The following RAB27B variants were observed in gnomAD, a reference collection of about 807,000 sequenced individuals.
RAB27B encodes ras-related protein Rab-27B.
RAB27B carries 15 observed loss-of-function variants against 24.6 expected under a neutral mutation model. The observed-to-expected ratio is 0.61, with a 90% CI of 0.41 to 0.94. The LOEUF is 0.94. Ranked by LOEUF, RAB27B falls within the 40% of genes least tolerant of loss-of-function variation. The probability of loss-of-function intolerance (pLI) is 0.00; values close to 1 mark genes in which losing one functional copy is unlikely to be tolerated. For missense variants in RAB27B, 261 were observed against 266.8 expected (o/e 0.98, Z 0.15); for synonymous variants, 105 against 92.5 (o/e 1.14, Z -0.78).
chr18:54,856,070 A>G (rs923648663), intron 1 of RAB27B, among the ~76,000 whole-genome samples: 2 of 152,258 alleles, frequency 1.3e-5, no homozygotes, highest in African/African-American at 2.4e-5. Context: ...AGTGATAATG[A>G]ACAAGAAGAC....
rs376958822 is a variant in RAB27B, at chr18:54,829,026, A to G, written c.-20+326A>G. 7.2e-5 allele frequency among the ~76,000 whole-genome samples: 11 copies of G among 152,336 alleles called. No homozygotes were observed. The South Asian group carries it at 1.2e-3, about 17-fold the overall frequency. ...CCAATTTCCTTTCATTTGCATCTCA[A>G]AAAACAATCAAAATAATGAATAAGA... On this transcript the variant is annotated intron_variant, in intron 1 of 5. Transcript: ENST00000262094.
intron 1 of RAB27B, among the ~76,000 whole-genome samples, chr18:54,858,134 T>A (rs886467399): frequency 6.6e-6 from 1 of 152,202 alleles, no homozygotes; most frequent in Non-Finnish European, 1.5e-5. Context: ...TACCGAGTAA[T>A]ATTATCAGAG....
intron 1 of RAB27B, among the ~76,000 whole-genome samples, chr18:54,852,068 A>G (rs1427658681): frequency 6.6e-6 from 1 of 152,186 alleles, no homozygotes; most frequent in African/African-American, 2.4e-5. Flanking sequence ...TTCAGTCATT[A>G]TTTAGGTTTA....
chr18:54,799,614 A>ATTTTTTT (rs869256244), intron 2 of RAB27B, among the ~76,000 whole-genome samples: 38 of 67,578 alleles, frequency 5.6e-4, no homozygotes, highest in African/African-American at 2.2e-3. Flanking sequence ...TAATAAAATG[A>ATTTTTTT]TTTTTTTTTT....
chr18:54,793,968 A>T (rs907122341), intron 2 of RAB27B, among the ~76,000 whole-genome samples: 6 of 152,016 alleles, frequency 3.9e-5, no homozygotes, highest in African/African-American at 1.2e-4. Flanking sequence ...CATGATCCAC[A>T]TAAAAATGCA....
chr18:54,733,070 G>A (rs1351567739), intron 2 of RAB27B, among the ~76,000 whole-genome samples: 1 of 151,674 alleles, frequency 6.6e-6, no homozygotes, highest in Non-Finnish European at 1.5e-5. Context: ...TTTAGAGATG[G>A]GGTTTTGCTC....
rs756649132 is a variant in RAB27B at position 54,742,544 on chromosome 18, T to C, written c.-20+24403T>C. Among the ~76,000 whole-genome samples, 55 of 152,226 alleles carry C rather than the reference T, an allele frequency of 3.6e-4. 1 individual carries two copies. The highest frequency in any genetic ancestry group is 7.3e-5 in the Non-Finnish European group (5 of 68,036). ...AAGAATACATTTGCTATGTCTGCAA[T>C]AGATTGGCCTTCATTTCTGTGTTTT... On this transcript the variant is annotated intron_variant, in intron 2 of 4. Coordinates refer to the RAB27B transcript ENST00000586570.
intron 2 of RAB27B, among the ~76,000 whole-genome samples, chr18:54,801,654 G>A (rs780350995): frequency 1.8e-4 from 27 of 152,126 alleles, no homozygotes; most frequent in Non-Finnish European, 2.9e-4. Flanking sequence ...AGGATGATTA[G>A]CACATCTCTG....
chr18:54,851,599 C>G (rs1479515129), intron 1 of RAB27B, among the ~76,000 whole-genome samples: 1 of 152,170 alleles, frequency 6.6e-6, no homozygotes. Flanking sequence ...TCAAATTAAA[C>G]TGGGTGTCCT....
At chr18:54,727,129 A>G (rs1446950487) in intron 2 of RAB27B, among the ~76,000 whole-genome samples, 1 of 152,102 alleles carries the variant, frequency 6.6e-6, no homozygotes, top group Non-Finnish European at 1.5e-5. Context: ...ATGTGCCACT[A>G]TGCCCGACTA....
chr18:54,871,849 CAAAAAAAAAAA>C (rs11388519), intron 1 of RAB27B, among the ~76,000 whole-genome samples: 1 of 85,980 alleles, frequency 1.2e-5, no homozygotes, highest in Non-Finnish European at 2.3e-5. Flanking sequence ...GACTCCATCT[CAAAAAAAAAAA>C]AAAAAAAAAG....
chr18:54,762,717 C>A (rs1317725198), intron 2 of RAB27B, among the ~76,000 whole-genome samples: 2 of 152,104 alleles, frequency 1.3e-5, no homozygotes, highest in Admixed American at 6.6e-5. Flanking sequence ...AAATCACATA[C>A]CTTCCTCCTC....
At chr18:54,736,540 A>T (rs2145001618) in intron 2 of RAB27B, among the ~76,000 whole-genome samples, 1 of 152,284 alleles carries the variant, frequency 6.6e-6, no homozygotes, top group East Asian at 1.9e-4. Context: ...GGGTCTTCCC[A>T]TCTGGAGGGT....
chr18:54,846,116 G>T (rs756854800), intron 1 of RAB27B, among the ~76,000 whole-genome samples: 7 of 152,138 alleles, frequency 4.6e-5, no homozygotes, highest in Non-Finnish European at 7.3e-5. Flanking sequence ...GTCAGCGCTT[G>T]AGGGACTGTC....
intron 1 of RAB27B, among the ~76,000 whole-genome samples, chr18:54,832,965 A>C (rs1910744701): frequency 6.6e-6 from 1 of 152,212 alleles, no homozygotes. Flanking sequence ...AGAAAAACTC[A>C]TGAGGCTACG....
At chr18:54,815,450 G>T (rs192747860) in intron 2 of RAB27B, among the ~76,000 whole-genome samples, 1 of 152,090 alleles carries the variant, frequency 6.6e-6, no homozygotes, top group Non-Finnish European at 1.5e-5. Flanking sequence ...CCACCAACAC[G>T]TAATGGCTAT....
Position 54,861,897 on chromosome 18 carries a change from T to C in RAB27B, c.-19-15670T>C, listed in dbSNP as rs116266986. Among the ~76,000 whole-genome samples the C allele has an allele frequency of 2.5e-3, 381 of 152,290 alleles. 4 individuals are homozygous for C. Among genetic ancestry groups the C allele is most frequent in the African/African-American group, 8.4e-3 (350 of 41,562 alleles). On this transcript the variant is annotated intron_variant, in intron 1 of 5. Coordinates refer to ENST00000262094, the MANE Select transcript of RAB27B (RefSeq NM_004163.4). Reference sequence around the variant, plus strand: ...TATTTCCTAGTCTGCTCAATGGACATTGGTTCTGCTTCATCGCATCACAAG... The same window carrying C: ...TATTTCCTAGTCTGCTCAATGGACACTGGTTCTGCTTCATCGCATCACAAG...
intron 2 of RAB27B, among the ~76,000 whole-genome samples, chr18:54,728,556 TC>T (rs1372208600): frequency 6.6e-6 from 1 of 152,028 alleles, no homozygotes; most frequent in Non-Finnish European, 1.5e-5. Flanking sequence ...TAAAGGAAGT[TC>T]TTTGAGTGGA....
At chr18:54,742,111 A>G (rs528807959) in intron 2 of RAB27B, among the ~76,000 whole-genome samples, 1 of 152,284 alleles carries the variant, frequency 6.6e-6, no homozygotes, top group East Asian at 1.9e-4. Context: ...GGGAAAGAGA[A>G]TCTAAAGCAG....
Sources: gnomAD v4.1 joint callset for allele counts (sites outside exome capture counted in the v4.1 genomes callset) on GRCh38, gnomAD v4.1.1 for gene constraint, MANE v1.5 for transcripts, NCBI Gene and HGNC (gene_info 2026-07-23, HGNC 2026-07-21) for gene names.